PALLD: variants seen among roughly 807,000 people sequenced by gnomAD.
PALLD encodes the protein palladin, cytoskeletal associated protein.
A neutral mutation model predicts 123.5 loss-of-function variants in PALLD; 61 were observed. That is an observed-to-expected ratio of 0.49 (90% CI 0.40 to 0.61). The LOEUF (loss-of-function observed/expected upper bound fraction) is 0.61, where lower values mean the gene tolerates loss of function less well. Among genes scored for constraint, PALLD ranks in the 20% least tolerant of loss-of-function variants. PALLD has a pLI of 0.00. For missense variants in PALLD, 1,273 were observed against 1,377.0 expected, an observed-to-expected ratio of 0.92 and a Z score of 1.20; for synonymous variants, 465 against 496.4, an observed-to-expected ratio of 0.94 and a Z score of 0.84.
chr4:168,594,310 C>A (rs555726432), intron 2 of PALLD, among the ~76,000 whole-genome samples: 1 of 152,186 alleles, frequency 6.6e-6, no homozygotes, highest in East Asian at 1.9e-4. Flanking sequence ...TGGATACAAG[C>A]AAGGCATGTG....
rs193298130 is a variant in PALLD at position 168,627,401 on chromosome 4, T to A, written c.909-40789T>A. Among the ~76,000 whole-genome samples the A allele has an allele frequency of 2.8e-4, 42 of 152,198 alleles. 1 individual carries two copies. The highest frequency in any genetic ancestry group is 6.0e-4 in the Non-Finnish European group (41 of 68,006). The stretch of plus-strand genomic sequence containing the variant: ...GGCGTGCACCTGTAGTCCCAGATAC[T>A]CGGGAGGCTGATGCAGGAGAATCAC... On this transcript the variant is annotated intron_variant, in intron 2 of 21. Coordinates refer to ENST00000505667, the MANE Select transcript of PALLD (RefSeq NM_001166108.2).
At chr4:168,682,930 A>T in intron 4 of PALLD, 68 bp from the exon 5 acceptor site, 1 of 453,412 alleles carries the variant, frequency 2.2e-6, no homozygotes, top group East Asian at 5.3e-5. Context: ...TATTTCTGCT[A>T]AAAAAAAAAA....
chr4:168,619,367 G>A (rs1297530245), intron 2 of PALLD, among the ~76,000 whole-genome samples: 1 of 152,212 alleles, frequency 6.6e-6, no homozygotes, highest in African/African-American at 2.4e-5. Flanking sequence ...GAAGGAAGCA[G>A]CAGCCAGGTC....
At chr4:168,860,804 CAG>C (rs1489659791) in intron 10 of PALLD, among the ~76,000 whole-genome samples, 4 of 152,186 alleles carry the variant, frequency 2.6e-5, no homozygotes, top group African/African-American at 9.7e-5. Context: ...TCTGGGATGA[CAG>C]AGTCTCAAAA....
At chr4:168,646,518 T>C (rs1048338469) in intron 2 of PALLD, among the ~76,000 whole-genome samples, 2 of 152,098 alleles carry the variant, frequency 1.3e-5, no homozygotes, top group African/African-American at 4.8e-5. Flanking sequence ...GTGACATTCC[T>C]CTCTCCAGAA....
intron 10 of PALLD, among the ~76,000 whole-genome samples, chr4:168,746,157 C>T (rs574693745): frequency 1.4e-3 from 216 of 151,806 alleles, no homozygotes; most frequent in African/African-American, 4.8e-3. Flanking sequence ...TCCTTTTTTC[C>T]CTCCCCCACT....
intron 2 of PALLD, among the ~76,000 whole-genome samples, chr4:168,547,183 A>G (rs909517901): frequency 6.6e-6 from 1 of 152,144 alleles, no homozygotes; most frequent in African/African-American, 2.4e-5. Context: ...CAAGCCCTGG[A>G]CCGTCGCCCC....
At chr4:168,737,189 C>A (rs80131790) in intron 10 of PALLD, among the ~76,000 whole-genome samples, 1 of 152,142 alleles carries the variant, frequency 6.6e-6, no homozygotes, top group East Asian at 1.9e-4. Flanking sequence ...ACACTGGGCA[C>A]GTTTATCAAG....
intron 2 of PALLD, among the ~76,000 whole-genome samples, chr4:168,592,477 T>C: frequency 6.6e-6 from 1 of 152,128 alleles, no homozygotes; most frequent in Non-Finnish European, 1.5e-5. Context: ...TACCTTGGAG[T>C]GTTTTTACTT....
chr4:168,664,072 GC>G (rs1779387540), intron 2 of PALLD, among the ~76,000 whole-genome samples: 1 of 152,088 alleles, frequency 6.6e-6, no homozygotes, highest in South Asian at 2.1e-4. Flanking sequence ...CTTATTTAAG[GC>G]CCTGGGAAGG....
At chr4:168,640,105 C>G (rs1340178886) in intron 2 of PALLD, among the ~76,000 whole-genome samples, 1 of 152,206 alleles carries the variant, frequency 6.6e-6, no homozygotes, top group Non-Finnish European at 1.5e-5. Flanking sequence ...AACTGTGCTT[C>G]CGTTGGTGCG....
At chr4:168,828,317 A>G (rs1743708671) in intron 10 of PALLD, among the ~76,000 whole-genome samples, 1 of 152,230 alleles carries the variant, frequency 6.6e-6, no homozygotes, top group Non-Finnish European at 1.5e-5. Flanking sequence ...GAAAATATAG[A>G]TTTTGGGCTT....
intron 10 of PALLD, among the ~76,000 whole-genome samples, chr4:168,852,678 T>G (rs1042490156): frequency 6.6e-6 from 1 of 152,236 alleles, no homozygotes; most frequent in African/African-American, 2.4e-5. Flanking sequence ...TAGTAGTGCC[T>G]ACAAGAGTGT....
At chr4:168,621,539 T>A (rs1328408043) in intron 2 of PALLD, among the ~76,000 whole-genome samples, 1 of 152,242 alleles carries the variant, frequency 6.6e-6, no homozygotes, top group Non-Finnish European at 1.5e-5. Context: ...CTAGAAATTT[T>A]TCTCATTTGC....
intron 2 of PALLD, among the ~76,000 whole-genome samples, chr4:168,562,446 A>G (rs1256310021): frequency 6.6e-6 from 1 of 152,204 alleles, no homozygotes; most frequent in Non-Finnish European, 1.5e-5. Flanking sequence ...CTTCAAGTTT[A>G]TGTGCTGGCA....
chr4:168,791,038 C>T (rs1340680976), intron 10 of PALLD, among the ~76,000 whole-genome samples: 2 of 152,124 alleles, frequency 1.3e-5, no homozygotes, highest in African/African-American at 4.8e-5. Context: ...AGGCATCAGA[C>T]CTATCATTTG....
intron 2 of PALLD, chr4:168,648,454 A>T (rs1777704474): frequency 6.6e-6 from 1 of 152,250 alleles, no homozygotes; most frequent in South Asian, 2.1e-4. Context: ...GTATAAATTA[A>T]TAAGAGAGAA....
chr4:168,845,874 C>T (rs1473381302), intron 10 of PALLD, among the ~76,000 whole-genome samples: 4 of 152,210 alleles, frequency 2.6e-5, no homozygotes, highest in Non-Finnish European at 5.9e-5. Flanking sequence ...TCTTAAGCAG[C>T]ACTTTTGCCA....
intron 10 of PALLD, among the ~76,000 whole-genome samples, chr4:168,874,745 G>A (rs1309325086): frequency 6.6e-6 from 1 of 152,002 alleles, no homozygotes; most frequent in Non-Finnish European, 1.5e-5. Context: ...GTTCTAACCT[G>A]GCTCTGCAGG....
Sources: gnomAD v4.1 joint callset for allele counts (sites outside exome capture counted in the v4.1 genomes callset) on GRCh38, gnomAD v4.1.1 for gene constraint, MANE v1.5 for transcripts, NCBI Gene and HGNC (gene_info 2026-07-23, HGNC 2026-07-21) for gene names.